The following INF2 variants were observed in gnomAD, a reference collection of about 807,000 sequenced individuals.
The protein encoded by INF2 is inverted formin 2.
INF2 carries 43 observed loss-of-function variants against 123.5 expected under a neutral mutation model. The observed-to-expected ratio is 0.35, with a 90% CI of 0.27 to 0.45. The LOEUF (loss-of-function observed/expected upper bound fraction) is 0.45, where lower values mean the gene tolerates loss of function less well. INF2 is among the 20% of genes least tolerant of loss of function. INF2 has a pLI of 1.00. For missense variants in INF2, 1,453 were observed against 1,682.7 expected, an observed-to-expected ratio of 0.86 and a Z score of 2.39; for synonymous variants, 851 against 745.0, an observed-to-expected ratio of 1.14 and a Z score of -2.32.
chr14:104,715,948 A>G (rs754661713), intron 22 of INF2: 20 of 456,046 alleles, frequency 4.4e-5, no homozygotes, highest in Middle Eastern at 6.5e-4. Flanking sequence ...GGGTGGGTCT[A>G]TGGAGAAGCA....
intron 1 of INF2, among the ~76,000 whole-genome samples, chr14:104,695,238 CG>C (rs1440624904): frequency 2.0e-5 from 3 of 152,134 alleles, no homozygotes; most frequent in Admixed American, 6.5e-5. Flanking sequence ...GATCTGTACA[CG>C]TCACTCCCAG....
At position 104,718,984 on chromosome 14, in the gene INF2, A is replaced by G. The variant is rs1161726226; in HGVS notation, c.*191A>G. 1.5e-6 allele frequency: 2 copies of G among 1,360,068 alleles called. No homozygotes were observed. Among genetic ancestry groups the G allele is most frequent in the African/African-American group, 1.5e-5 (1 of 67,618 alleles). 84.3% of individuals were successfully genotyped at this position (1,360,068 alleles called of 1,614,324 possible). Reference sequence around the variant, plus strand: ...TGTGGCTGGGAACCCGACAGGCACCAGTGCCCTGCCAGGCCTGGTGCCCTC... The same window carrying G: ...TGTGGCTGGGAACCCGACAGGCACCGGTGCCCTGCCAGGCCTGGTGCCCTC... On this transcript the variant is annotated 3_prime_UTR_variant, in exon 23 of 23. Transcript: ENST00000392634.
intron 5 of INF2, chr14:104,704,195 C>G (rs562494342): frequency 7.0e-7 from 1 of 1,428,384 alleles, no homozygotes; most frequent in South Asian, 1.5e-5. Context: ...AGAATGAGCT[C>G]ATATCCTTTG....
chr14:104,715,963 ACC>A (rs1009417983), intron 22 of INF2: 2 of 455,656 alleles, frequency 4.4e-6, no homozygotes, highest in Non-Finnish European at 8.8e-6. Context: ...GAAGCAGATT[ACC>A]CCCCGCACAC....
upstream of INF2, among the ~76,000 whole-genome samples, chr14:104,688,272 C>A (rs1182649998): frequency 6.6e-6 from 1 of 152,240 alleles, no homozygotes; most frequent in African/African-American, 2.4e-5. Context: ...AGCAAACTTC[C>A]GGGGCTGGGG....
chr14:104,696,659 C>T (rs1047186547), intron 1 of INF2, among the ~76,000 whole-genome samples: 1 of 151,350 alleles, frequency 6.6e-6, no homozygotes, highest in Admixed American at 6.5e-5. Context: ...CTGCCCAGAA[C>T]CCCGGGGTGC....
At position 104,706,918 on chromosome 14, in the gene INF2, C is replaced by T. The variant is rs1410580096; in HGVS notation, c.852C>T (p.Cys284=). The change falls in exon 7 of 23, where the codon TGC becomes TGT. Residue 284 remains cysteine, a synonymous_variant. Coordinates refer to ENST00000392634, the MANE Select transcript of INF2 (RefSeq NM_022489.4). Reference sequence around the variant, plus strand: ...CACACTCGCCCGTCCAGGTGAGCTGCTCCCCGGTGTCTGCCCAGCTCCTGT... The same window carrying T: ...CACACTCGCCCGTCCAGGTGAGCTGTTCCCCGGTGTCTGCCCAGCTCCTGT... ...VFASLFHKVS[C]SPVSAQLLSV... 1 of 1,604,336 alleles carries T rather than the reference C, an allele frequency of 6.2e-7. No homozygotes were observed. Among genetic ancestry groups the T allele is most frequent in the Non-Finnish European group, 8.5e-7 (1 of 1,179,314 alleles).
In INF2 at chr14:104,712,918, G is replaced by A. The variant is rs775349897; in HGVS notation, c.2701G>A (p.Ala901Thr). Residue 901 changes from alanine (A) to threonine (T), a missense_variant, in exon 18 of 23, where the codon GCC (alanine) becomes ACC (threonine). This residue lies in a region of INF2 where 212 missense variants were observed against 266.2 expected (regional missense o/e 0.80). Coordinates refer to ENST00000392634, the MANE Select transcript of INF2 (RefSeq NM_022489.4). ...GCTGGCCGACTACCTGTGTGAGGAC[G>A]CCCAGCAGCTGTCCCTGGAGGACAC... ...RELADYLCED[A>T]QQLSLEDTFS... is the part of the protein sequence containing the mutation. The A allele has an allele frequency of 5.0e-6, 8 of 1,612,612 alleles. No individual in the cohort carries two copies. The East Asian group carries it at 6.7e-5, about 13-fold the overall frequency.
At chr14:104,687,479 T>TACACACACACATAC (rs1888694366), upstream of INF2, among the ~76,000 whole-genome samples, 4 of 131,902 alleles carry the variant, frequency 3.0e-5, no homozygotes, top group African/African-American at 1.1e-4. This position sits in a 1 kb window ranked among gnomAD's most constrained non-coding sequence, Gnocchi z 5.6. Flanking sequence ...CACACACACA[T>TACACACACACATAC]ACACACACAC....
chr14:104,681,226 G>A, exon 1 of INF2: 1 of 340,728 alleles, frequency 2.9e-6, no homozygotes. Flanking sequence ...CAAAAAGCAG[G>A]GGTAGGGAAG....
chr14:104,700,943 C>A lies in INF2; in HGVS notation c.-9-414C>A, dbSNP rs922949743. 14 of 830,846 alleles carry A rather than the reference C, an allele frequency of 1.7e-5. No homozygotes were observed. The East Asian group carries it at 5.0e-4, about 30-fold the overall frequency. 51.5% of individuals were successfully genotyped at this position (830,846 alleles called of 1,614,324 possible). A position where few individuals can be genotyped will look rare whatever the true frequency, so the allele number is the denominator to read the frequency against. ...GTGAGATAAGGCAGCCTCAGATGCGCCGTTTTGTCGCATCATTACCGTGGG... is the reference window on the plus strand; with the variant it reads ...GTGAGATAAGGCAGCCTCAGATGCGACGTTTTGTCGCATCATTACCGTGGG... On this transcript the variant is annotated intron_variant, in intron 1 of 22. Coordinates refer to ENST00000392634, the MANE Select transcript of INF2 (RefSeq NM_022489.4).
chr14:104,710,319 C>T (rs1382304164), intron 13 of INF2, 131 bp downstream of exon 13: 3 of 672,960 alleles, frequency 4.5e-6, no homozygotes, highest in Non-Finnish European at 5.2e-6. Flanking sequence ...TGCCAGCCTT[C>T]ACCACCACTC....
rs532625636 is a variant in INF2, at chr14:104,704,357, C to A, written c.701+408C>A. 8.4e-6 allele frequency: 3 copies of A among 357,928 alleles called. No individual in the cohort carries two copies. In the South Asian group the frequency reaches 1.0e-4, roughly 12 times the overall value. 22.2% of individuals were successfully genotyped at this position (357,928 alleles called of 1,614,324 possible). ...CTCCAGGGCGAGAGTTGAAAAACTA[C>A]CTACAGGGTACAGTGTTCGTCGCTA... On this transcript the variant is annotated intron_variant, in intron 5 of 22. Transcript: ENST00000392634.
rs1890203118 is a variant in INF2, at chr14:104,714,554, C to T, written c.3392C>T (p.Ala1131Val). 1 of 1,612,742 alleles carries T rather than the reference C, an allele frequency of 6.2e-7. No homozygotes were observed. Among genetic ancestry groups the T allele is most frequent in the Non-Finnish European group, 8.5e-7 (1 of 1,179,884 alleles). ...PPAAGSSRQDAKDPTSLLGVL... is the reference protein window; with the variant it reads ...PPAAGSSRQDVKDPTSLLGVL... Reference sequence around the variant, plus strand: ...GCAGCCGGAAGTTCAAGGCAAGATGCCAAGGATCCCACGTCCTTGCTGGGC... The same window carrying T: ...GCAGCCGGAAGTTCAAGGCAAGATGTCAAGGATCCCACGTCCTTGCTGGGC... The change falls in exon 21 of 23, where the codon GCC (alanine) becomes GTC (valine). Residue 1131 changes from alanine (A) to valine (V), a missense_variant. By Grantham distance (64) the Ala-to-Val change is moderately conservative. Around this residue, in one of 8 missense-constraint regions of INF2, gnomAD observed 344 missense variants for 333.1 expected, o/e 1.03. Transcript: ENST00000392634.
At chr14:104,693,093 G>C (rs558987448) in intron 1 of INF2, among the ~76,000 whole-genome samples, 1 of 152,336 alleles carries the variant, frequency 6.6e-6, no homozygotes, top group African/African-American at 2.4e-5. Flanking sequence ...CCTGGCCGCC[G>C]ATCAAGGCCT....
At chr14:104,696,796 G>A (rs1014678873) in intron 1 of INF2, among the ~76,000 whole-genome samples, 10 of 152,210 alleles carry the variant, frequency 6.6e-5, no homozygotes, top group South Asian at 2.1e-4. Flanking sequence ...CTCTCCTGCC[G>A]TTCTGCCCAC....
At position 104,711,234 on chromosome 14, in the gene INF2, G is replaced by A. The variant is rs371737996; in HGVS notation, c.2418+48G>A. ...TAATGGGAGGGCTTCAAGTCCCCCC[G>A]GACCTGGGGTGTAGAGGCGTAGAGG... On this transcript the variant is annotated intron_variant, in intron 15 of 22. Transcript: ENST00000392634. 1.9e-4 allele frequency: 279 copies of A among 1,454,616 alleles called. 1 individual carries two copies. The highest frequency in any genetic ancestry group is 5.6e-4 in the African/African-American group (40 of 71,190). 90.1% of individuals were successfully genotyped at this position (1,454,616 alleles called of 1,614,324 possible).
intron 20 of INF2, 35 bp from the exon 21 acceptor site, chr14:104,714,168 G>T (rs992903801): frequency 6.8e-7 from 1 of 1,461,016 alleles, no homozygotes; most frequent in Non-Finnish European, 9.0e-7. Flanking sequence ...CGGGGGCAGG[G>T]TGCCTGCCCT....
At chr14:104,714,951 C>T (rs1468172428) in intron 21 of INF2, 95 bp downstream of exon 21, 48 of 1,318,902 alleles carry the variant, frequency 3.6e-5, no homozygotes, top group Non-Finnish European at 4.5e-5. Flanking sequence ...CAAGTTCCAG[C>T]GGCACCCAGG....
Sources: gnomAD v4.1 joint callset for allele counts (sites outside exome capture counted in the v4.1 genomes callset) on GRCh38, gnomAD v4.1.1 for gene constraint, gnomAD v4.1.1 regional missense constraint, Gnocchi (gnomAD v3.1) non-coding constraint, MANE v1.5 for transcripts, NCBI Gene and HGNC (gene_info 2026-07-23, HGNC 2026-07-21) for gene names.